Variants in CAMTA1 observed in about 807,000 individuals in gnomAD.
CAMTA1 encodes the protein calmodulin-binding transcription activator 1.
Under a neutral mutation model 170.9 loss-of-function variants are expected in CAMTA1, and 27 were observed. That is an observed-to-expected ratio of 0.16 (90% confidence interval 0.12 to 0.22). The LOEUF (loss-of-function observed/expected upper bound fraction) is 0.22, where lower values mean the gene tolerates loss of function less well. CAMTA1 is among the 10% of genes least tolerant of loss of function. The probability of loss-of-function intolerance (pLI) is 1.00; values close to 1 mark genes in which losing one functional copy is unlikely to be tolerated. For synonymous variants in CAMTA1, 833 were observed against 891.5 expected, an observed-to-expected ratio of 0.93 and a Z score of 1.17; for missense variants, 1,619 against 2,217.2, an observed-to-expected ratio of 0.73 and a Z score of 5.42.
At chr1:7,622,485 T>G (rs1400190924) in intron 6 of CAMTA1, among the ~76,000 whole-genome samples, 1 of 152,248 alleles carries the variant, frequency 6.6e-6, no homozygotes, top group Non-Finnish European at 1.5e-5. Context: ...AACAGCTGAC[T>G]TCATTATAAC....
intron 6 of CAMTA1, among the ~76,000 whole-genome samples, chr1:7,527,741 A>G (rs1464727843): frequency 3.3e-5 from 5 of 152,196 alleles, no homozygotes; most frequent in Admixed American, 1.3e-4. Context: ...GCCCAGGTCT[A>G]GTTTCATGCC....
At chr1:7,474,005 C>A (rs1451520290) in intron 6 of CAMTA1, among the ~76,000 whole-genome samples, 1 of 152,236 alleles carries the variant, frequency 6.6e-6, no homozygotes, top group Non-Finnish European at 1.5e-5. Context: ...CCTGCTGCAA[C>A]CACACAGGAG....
chr1:7,427,663 A>G (rs575455626), intron 5 of CAMTA1, among the ~76,000 whole-genome samples: 1 of 152,310 alleles, frequency 6.6e-6, no homozygotes, highest in East Asian at 1.9e-4. Flanking sequence ...GCTTGGCTTC[A>G]GAAATATTTT....
chr1:6,998,428 C>T (rs934077358), intron 3 of CAMTA1, among the ~76,000 whole-genome samples: 1 of 152,228 alleles, frequency 6.6e-6, no homozygotes, highest in Non-Finnish European at 1.5e-5. Flanking sequence ...GCGTGCTCTC[C>T]GCACATGCCA....
chr1:7,440,778 G>A (rs560688740), intron 5 of CAMTA1, among the ~76,000 whole-genome samples: 1 of 152,312 alleles, frequency 6.6e-6, no homozygotes, highest in East Asian at 1.9e-4. Flanking sequence ...GTGGCTTGCG[G>A]GCCAAGCGAC....
chr1:7,317,511 G>T (rs1049877217), intron 5 of CAMTA1, among the ~76,000 whole-genome samples: 5 of 152,256 alleles, frequency 3.3e-5, no homozygotes, highest in African/African-American at 9.6e-5. Flanking sequence ...CTGCTTACAA[G>T]TTTGCTCGTG....
At chr1:7,003,135 C>T (rs1292849760) in intron 3 of CAMTA1, among the ~76,000 whole-genome samples, 1 of 152,182 alleles carries the variant, frequency 6.6e-6, no homozygotes, top group African/African-American at 2.4e-5. Flanking sequence ...CCAGGAGCAC[C>T]CCTTGCTCAG....
chr1:6,982,948 T>G (rs904851061), intron 3 of CAMTA1, among the ~76,000 whole-genome samples: 2 of 151,898 alleles, frequency 1.3e-5, no homozygotes, highest in East Asian at 1.9e-4. Flanking sequence ...AAGGAGTGAG[T>G]AGGGTGGAGG....
chr1:6,846,367 G>A (rs1169869971), intron 3 of CAMTA1, among the ~76,000 whole-genome samples: 2 of 152,112 alleles, frequency 1.3e-5, no homozygotes, highest in African/African-American at 2.4e-5. Context: ...CATTTACGTG[G>A]AGCCACTTTT....
At chr1:6,922,826 G>A (rs1287636104) in intron 3 of CAMTA1, among the ~76,000 whole-genome samples, 1 of 151,802 alleles carries the variant, frequency 6.6e-6, no homozygotes, top group African/African-American at 2.4e-5. Flanking sequence ...TAAGTCCAAA[G>A]CGCCCTAGGG....
chr1:7,028,254 A>C (rs1702276050), intron 3 of CAMTA1, among the ~76,000 whole-genome samples: 1 of 152,230 alleles, frequency 6.6e-6, no homozygotes, highest in Non-Finnish European at 1.5e-5. Context: ...AGTTTATGGC[A>C]GAAACTAAGC....
intron 4 of CAMTA1, chr1:7,219,542 T>A (rs1020413570): frequency 7.7e-5 from 5 of 65,278 alleles, no homozygotes; most frequent in East Asian, 5.4e-4. Context: ...AATTTTTTCT[T>A]AAAAAAAAAA....
intron 11 of CAMTA1, among the ~76,000 whole-genome samples, chr1:7,715,961 G>T (rs1466963386): frequency 6.6e-6 from 1 of 152,166 alleles, no homozygotes; most frequent in Non-Finnish European, 1.5e-5. Flanking sequence ...ATATTTATGT[G>T]GTATATTGAC....
intron 3 of CAMTA1, among the ~76,000 whole-genome samples, chr1:6,954,040 C>T (rs980995845): frequency 4.6e-5 from 7 of 152,156 alleles, no homozygotes; most frequent in African/African-American, 1.7e-4. Flanking sequence ...AGGATGCCTG[C>T]GTGGCTTGAA....
chr1:7,338,285 A>G (rs1484622133), intron 5 of CAMTA1, among the ~76,000 whole-genome samples: 1 of 152,146 alleles, frequency 6.6e-6, no homozygotes. Flanking sequence ...AGTGTACACC[A>G]ATGACAATGC....
At chr1:7,058,698 A>G (rs1176587749) in intron 3 of CAMTA1, among the ~76,000 whole-genome samples, 1 of 152,162 alleles carries the variant, frequency 6.6e-6, no homozygotes, top group Non-Finnish European at 1.5e-5. Flanking sequence ...AGATTTGCCA[A>G]AGTTCTAGGG....
At chr1:7,523,800 G>A (rs983370023) in intron 6 of CAMTA1, among the ~76,000 whole-genome samples, 8 of 151,650 alleles carry the variant, frequency 5.3e-5, no homozygotes, top group South Asian at 2.1e-4. Context: ...GGAAAATGGC[G>A]TGAACCTGGG....
At chr1:7,210,388 A>G (rs1658539357) in intron 4 of CAMTA1, among the ~76,000 whole-genome samples, 2 of 152,194 alleles carry the variant, frequency 1.3e-5, no homozygotes, top group African/African-American at 4.8e-5. Flanking sequence ...TTTGGCAGGA[A>G]CACCACAGAA....
intron 3 of CAMTA1, among the ~76,000 whole-genome samples, chr1:7,039,118 T>G (rs1704054373): frequency 6.6e-6 from 1 of 152,220 alleles, no homozygotes. Flanking sequence ...CCACTTCTGG[T>G]GGTAATTTGC....
Sources: allele counts gnomAD v4.1 joint callset (sites outside exome capture counted in the v4.1 genomes callset), GRCh38; gene constraint gnomAD v4.1.1; transcripts MANE v1.5; gene names NCBI Gene and HGNC (gene_info 2026-07-23, HGNC 2026-07-21).